The following AP3D1 variants were observed in gnomAD, a reference collection of about 807,000 sequenced individuals.
AP3D1 encodes the protein AP-3 complex subunit delta-1.
A neutral mutation model predicts 147.6 loss-of-function variants in AP3D1; 51 were observed. The ratio of observed to expected loss-of-function variants is 0.35; its 90% CI spans 0.28 to 0.44. The LOEUF is 0.44. Ranked by LOEUF, AP3D1 falls within the 20% of genes least tolerant of loss-of-function variation. The pLI is 1.00. For synonymous variants in AP3D1, 760 were observed against 663.0 expected (o/e 1.15, Z -2.25); for missense variants, 1,421 against 1,624.2 (o/e 0.87, Z 2.15).
At chr19:2,109,585 T>G in intron 29 of AP3D1, 1 of 505,518 alleles carries the variant, frequency 2.0e-6, no homozygotes, top group Non-Finnish European at 3.6e-6. Context: ...AGGAGAGGCT[T>G]CAGGAGGAGC....
chr19:2,119,341 G>A (rs1447774594), intron 14 of AP3D1, among the ~76,000 whole-genome samples: 3 of 152,172 alleles, frequency 2.0e-5, no homozygotes, highest in South Asian at 2.1e-4. Context: ...GGCAGATCAC[G>A]AGGTCAGGAG....
chr19:2,119,232 T>TTC (rs1325718446), intron 14 of AP3D1, among the ~76,000 whole-genome samples: 4 of 152,296 alleles, frequency 2.6e-5, no homozygotes, highest in East Asian at 1.9e-4. Context: ...GGGACTTGAA[T>TTC]ATGTTTCTAG....
chr19:2,105,335 G>A (rs1413333851), intron 31 of AP3D1, among the ~76,000 whole-genome samples: 3 of 152,216 alleles, frequency 2.0e-5, no homozygotes, highest in Admixed American at 6.5e-5. Flanking sequence ...CGCCCACGCT[G>A]GAAGGTTGTG....
At chr19:2,139,921 G>A (rs1305752885) in intron 1 of AP3D1, among the ~76,000 whole-genome samples, 4 of 151,678 alleles carry the variant, frequency 2.6e-5, no homozygotes, top group Non-Finnish European at 5.9e-5. Context: ...AACCTCGGCT[G>A]CCAGCTGCAC....
rs2019512348 is a variant in AP3D1 at position 2,151,503 on chromosome 19, A to ACCCGCTCGGCAGGTGCCGCGAT, written c.-191_-170dup. 1 of 198,796 alleles carries ACCCGCTCGGCAGGTGCCGCGAT rather than the reference A, an allele frequency of 5.0e-6. No individual in the cohort carries two copies. Among genetic ancestry groups the ACCCGCTCGGCAGGTGCCGCGAT allele is most frequent in the South Asian group, 1.7e-4 (1 of 5,950 alleles). The allele number at this position is 198,796 out of a possible 1,614,324, so 12.3% of individuals were successfully genotyped here. A position where few individuals can be genotyped will look rare whatever the true frequency, so the allele number is the denominator to read the frequency against. On this transcript the variant is annotated 5_prime_UTR_variant, in exon 1 of 32. Transcript: ENST00000643116. ...TCCAAGGACCGCGGCAGAGGCGGCGACCCGCTCGGCAGGTGCCGCGATCCC... is the reference window on the plus strand; with the variant it reads ...TCCAAGGACCGCGGCAGAGGCGGCGACCCGCTCGGCAGGTGCCGCGATCCCGCTCGGCAGGTGCCGCGATCCC...
At chr19:2,111,144 C>A in intron 26 of AP3D1, 141 bp downstream of exon 26, 3 of 1,149,770 alleles carry the variant, frequency 2.6e-6, no homozygotes, top group Non-Finnish European at 3.7e-6. Flanking sequence ...GAGGTGCTGC[C>A]CAAGCAACGC....
At position 2,112,873 on chromosome 19, in the gene AP3D1, T is replaced by C. The variant is rs1019383416; in HGVS notation, c.2774A>G (p.Gln925Arg). ...AQGEEDDAEG[Q>R]DQDKKSPKPK... ...TGACAGCCTCACCTTGTCCTGGTCT[T>C]GCCCCTCGGCATCGTCCTCCTCGCC... Residue 925 changes from glutamine (Q) to arginine (R), a missense_variant, in exon 24 of 32, where the codon CAA becomes CGA. By Grantham distance (43) the Gln-to-Arg change is conservative. Around this residue, in one of 6 missense-constraint regions of AP3D1, gnomAD observed 791 missense variants for 761.4 expected, o/e 1.04. Transcript: ENST00000643116. The C allele has an allele frequency of 6.2e-7, 1 of 1,611,886 alleles. No individual in the cohort carries two copies. Among genetic ancestry groups the C allele is most frequent in the African/African-American group, 1.3e-5 (1 of 75,012 alleles).
intron 2 of AP3D1, 87 bp downstream of exon 2, chr19:2,138,532 G>A (rs984371012): frequency 9.7e-7 from 1 of 1,034,948 alleles, no homozygotes; most frequent in African/African-American, 1.6e-5. Context: ...ACTGACAGGT[G>A]GACAGACAGG....
intron 3 of AP3D1, 144 bp downstream of exon 3, chr19:2,137,583 T>C: frequency 1.4e-6 from 1 of 708,966 alleles, no homozygotes. Context: ...CCCAAAGTGC[T>C]GGGATTACAG....
chr19:2,141,933 T>C (rs992943343), intron 1 of AP3D1, among the ~76,000 whole-genome samples: 10 of 149,648 alleles, frequency 6.7e-5, no homozygotes, highest in Non-Finnish European at 7.4e-5. Flanking sequence ...AAATTATATA[T>C]ATTTATATAT....
chr19:2,130,563 C>T lies in AP3D1; in HGVS notation c.463-26G>A, dbSNP rs142453291. 1.7e-4 allele frequency: 278 copies of T among 1,612,038 alleles called. 2 individuals carry two copies. In the East Asian group the frequency reaches 5.6e-3, roughly 33 times the overall value. On this transcript the variant is annotated intron_variant, in intron 5 of 31. Coordinates refer to ENST00000643116, the MANE Select transcript of AP3D1 (RefSeq NM_001261826.3). ...CTGCGGGGCAGCGGGCTTCAGCCTG[C>T]GCGGGCTTTCTGCGCCTCATCCCTG... is the stretch of plus-strand genomic sequence containing the variant.
chr19:2,128,430 G>A (rs1468022330), intron 8 of AP3D1, among the ~76,000 whole-genome samples: 1 of 149,562 alleles, frequency 6.7e-6, no homozygotes, highest in African/African-American at 2.5e-5. Flanking sequence ...GGCCGGGCTT[G>A]CAGCCACTCC....
At chr19:2,160,444 G>A (rs779718351) in intron 1 of AP3D1, among the ~76,000 whole-genome samples, 1 of 152,016 alleles carries the variant, frequency 6.6e-6, no homozygotes, top group South Asian at 2.1e-4. Flanking sequence ...CAGGAGAATC[G>A]AATCGCTTGA....
chr19:2,149,276 T>C (rs1182895707), intron 1 of AP3D1, among the ~76,000 whole-genome samples: 2 of 152,204 alleles, frequency 1.3e-5, no homozygotes, highest in Admixed American at 6.6e-5. Context: ...CCGGGTGCAG[T>C]GGCTCACGCC....
intron 16 of AP3D1, 48 bp from the exon 17 acceptor site, chr19:2,116,794 C>T (rs928270005): frequency 7.8e-6 from 12 of 1,545,158 alleles, no homozygotes; most frequent in African/African-American, 2.7e-5. Context: ...ACCGAGCACG[C>T]GCCTGCAGGC....
chr19:2,101,580 C>T lies in AP3D1; in HGVS notation c.*593G>A, dbSNP rs1055243853. 6.6e-6 allele frequency: 1 copy of T among 152,380 alleles called. No homozygotes were observed. The highest frequency in any genetic ancestry group is 2.4e-5 in the African/African-American group (1 of 41,446). 9.4% of individuals were successfully genotyped at this position (152,380 alleles called of 1,614,324 possible). A position where few individuals can be genotyped will look rare whatever the true frequency, so the allele number is the denominator to read the frequency against. ...CTTTGGCGTCCCTGGCCCCGCCCTG[C>T]CCACAGCCTGGCTGGCGCGTGGCCT... On this transcript the variant is annotated 3_prime_UTR_variant, in exon 32 of 32. Coordinates refer to ENST00000643116, the MANE Select transcript of AP3D1 (RefSeq NM_001261826.3).
At chr19:2,141,745 T>G (rs544616809) in intron 1 of AP3D1, among the ~76,000 whole-genome samples, 1 of 151,492 alleles carries the variant, frequency 6.6e-6, no homozygotes, top group East Asian at 1.9e-4. Context: ...CGGCCTTTTT[T>G]TTTTCTTTTA....
chr19:2,117,651 A>T (rs1230806530), intron 15 of AP3D1, among the ~76,000 whole-genome samples: 1 of 152,226 alleles, frequency 6.6e-6, no homozygotes, highest in Non-Finnish European at 1.5e-5. Context: ...CGACACCAGA[A>T]GCACCACCTC....
chr19:2,157,239 G>A (rs944338574), intron 1 of AP3D1, among the ~76,000 whole-genome samples: 10 of 151,090 alleles, frequency 6.6e-5, no homozygotes, highest in African/African-American at 1.2e-4. Flanking sequence ...TCAGGAGATC[G>A]AGACCATCCC....
Sources: gnomAD v4.1 joint callset for allele counts (sites outside exome capture counted in the v4.1 genomes callset) on GRCh38, gnomAD v4.1.1 for gene constraint, gnomAD v4.1.1 regional missense constraint, MANE v1.5 for transcripts, NCBI Gene and HGNC (gene_info 2026-07-23, HGNC 2026-07-21) for gene names.